Variants in STRBP observed in about 807,000 individuals in gnomAD.
STRBP encodes spermatid perinuclear RNA-binding protein.
A neutral mutation model predicts 80.1 loss-of-function variants in STRBP; 13 were observed. That is an observed-to-expected ratio of 0.16 (90% CI 0.11 to 0.26). The LOEUF (loss-of-function observed/expected upper bound fraction) is 0.26, where lower values mean the gene tolerates loss of function less well. STRBP is among the 10% of genes least tolerant of loss of function. The pLI is 1.00. For synonymous variants in STRBP, 284 were observed against 291.2 expected (o/e 0.98, Z 0.25); for missense variants, 485 against 815.2 (o/e 0.59, Z 4.93).
In STRBP at chr9:123,222,805, T is replaced by A. The variant is rs111558520; in HGVS notation, c.-165+14025A>T. On this transcript the variant is annotated intron_variant, in intron 2 of 18. Coordinates refer to ENST00000348403, the MANE Select transcript of STRBP (RefSeq NM_018387.5). ...GTTTCTCTTATGAAATCTACCAAATTTTAGGAATCACAATCTACTTTTACA... is the reference window on the plus strand; with the variant it reads ...GTTTCTCTTATGAAATCTACCAAATATTAGGAATCACAATCTACTTTTACA... 3.8e-3 allele frequency among the ~76,000 whole-genome samples: 575 copies of A among 152,230 alleles called. 2 individuals carry two copies. The highest frequency in any genetic ancestry group is 0.013 in the African/African-American group (522 of 41,536).
At position 123,124,626 on chromosome 9, in the gene STRBP, AC is replaced by A; in HGVS notation, c.*970del. On this transcript the variant is annotated 3_prime_UTR_variant, in exon 19 of 19. Transcript: ENST00000348403. ...CCCTTCAATGAATCCCAGCAAAATC[AC>A]TAATCTTCTATCTGCATGAAAAAAG... The A allele has an allele frequency of 1.0e-6, 1 of 985,466 alleles. No individual in the cohort carries two copies. 61.0% of individuals were successfully genotyped at this position (985,466 alleles called of 1,614,324 possible). A position where few individuals can be genotyped will look rare whatever the true frequency, so the allele number is the denominator to read the frequency against.
intron 11 of STRBP, 25 bp downstream of exon 11, chr9:123,157,987 C>A (rs752602376): frequency 1.9e-6 from 3 of 1,552,704 alleles, no homozygotes; most frequent in Non-Finnish European, 8.9e-7. Flanking sequence ...AACCCCCAAC[C>A]CTAATAAAAA....
At chr9:123,200,734 A>ATTATT (rs1385113247) in intron 2 of STRBP, among the ~76,000 whole-genome samples, 48 of 37,514 alleles carry the variant, frequency 1.3e-3, no homozygotes, top group African/African-American at 5.9e-3. Flanking sequence ...CACCCCGCTA[A>ATTATT]TTTTTTTTTT....
intron 1 of STRBP, among the ~76,000 whole-genome samples, chr9:123,243,617 G>A (rs1013842554): frequency 3.3e-5 from 5 of 150,656 alleles, no homozygotes; most frequent in African/African-American, 1.2e-4. Flanking sequence ...AAACTCAACA[G>A]TTAAAACAAA....
At chr9:123,139,931 T>G (rs1237476146) in intron 13 of STRBP, among the ~76,000 whole-genome samples, 1 of 152,182 alleles carries the variant, frequency 6.6e-6, no homozygotes, top group Non-Finnish European at 1.5e-5. Flanking sequence ...ATGACAAATA[T>G]AAACCTGATG....
chr9:123,231,254 T>C (rs1056871460), intron 2 of STRBP, among the ~76,000 whole-genome samples: 12 of 152,172 alleles, frequency 7.9e-5, no homozygotes, highest in Admixed American at 3.9e-4. Context: ...TACTCCTCTA[T>C]TGCACTTCCA....
downstream of STRBP, among the ~76,000 whole-genome samples, chr9:123,117,065 C>T (rs1439168874): frequency 6.6e-6 from 1 of 152,110 alleles, no homozygotes; most frequent in South Asian, 2.1e-4. Context: ...GTGGGAACAA[C>T]GATCTATGCA....
intron 2 of STRBP, among the ~76,000 whole-genome samples, chr9:123,209,268 C>T (rs116530452): frequency 9.9e-5 from 15 of 152,066 alleles, no homozygotes; most frequent in African/African-American, 3.4e-4. Context: ...ATGGTATAAT[C>T]GAAAGAACAT....
chr9:123,266,953 C>T lies in STRBP; in HGVS notation c.-302+1483G>A, dbSNP rs535290757. Reference sequence around the variant, plus strand: ...CCACCTACTGTACTCCAGACCTGTCCACCTTCCCCTCCAGTCTATCCCGTT... The same window carrying T: ...CCACCTACTGTACTCCAGACCTGTCTACCTTCCCCTCCAGTCTATCCCGTT... On this transcript the variant is annotated intron_variant, in intron 1 of 18. Coordinates refer to ENST00000348403, the MANE Select transcript of STRBP (RefSeq NM_018387.5). Among the ~76,000 whole-genome samples, 3 of 152,012 alleles carry T rather than the reference C, an allele frequency of 2.0e-5. No homozygotes were observed. The East Asian group carries it at 5.8e-4, about 29-fold the overall frequency.
At chr9:123,140,626 C>A (rs190841444) in intron 13 of STRBP, among the ~76,000 whole-genome samples, 1,922 of 150,346 alleles carry the variant, frequency 0.013, 34 homozygotes, top group African/African-American at 0.042. Context: ...AACAAACAAA[C>A]AAAAAAAAAC....
chr9:123,138,794 G>A (rs543696209), intron 14 of STRBP, among the ~76,000 whole-genome samples: 8 of 152,190 alleles, frequency 5.3e-5, no homozygotes, highest in Non-Finnish European at 1.0e-4. Context: ...TATTAAAAGG[G>A]ATTTATGGAC....
chr9:123,144,663 A>T (rs1222764026), intron 13 of STRBP, among the ~76,000 whole-genome samples: 1 of 152,222 alleles, frequency 6.6e-6, no homozygotes, highest in Admixed American at 6.5e-5. Context: ...CTCATTTTCT[A>T]AACCATTTAT....
rs1217743429 is a variant in STRBP at position 123,158,136 on chromosome 9, G to C, written c.934-13C>G. ...GTCTGAGTGCATGCTAAAGAACAAA[G>C]TATTATATTTAATCACATTTCAATA... On this transcript the variant is annotated splice_polypyrimidine_tract_variant and intron_variant, in intron 10 of 18. Coordinates refer to ENST00000348403, the MANE Select transcript of STRBP (RefSeq NM_018387.5). 1 of 1,596,124 alleles carries C rather than the reference G, an allele frequency of 6.3e-7. No individual in the cohort carries two copies. The highest frequency in any genetic ancestry group is 8.6e-7 in the Non-Finnish European group (1 of 1,165,180).
chr9:123,174,198 G>C (rs2038124494), intron 4 of STRBP, among the ~76,000 whole-genome samples: 1 of 152,194 alleles, frequency 6.6e-6, no homozygotes, highest in Non-Finnish European at 1.5e-5. Flanking sequence ...CACTTTGGGA[G>C]GTCAAGGCAG....
chr9:123,170,364 T>C (rs768511597), intron 5 of STRBP, among the ~76,000 whole-genome samples: 8 of 152,192 alleles, frequency 5.3e-5, no homozygotes, highest in Non-Finnish European at 8.8e-5. Context: ...AAATGGTAAA[T>C]TGTTGTTCTT....
chr9:123,140,187 C>T (rs1319451654), intron 13 of STRBP, among the ~76,000 whole-genome samples: 2 of 152,112 alleles, frequency 1.3e-5, no homozygotes, highest in African/African-American at 2.4e-5. Context: ...AGAAATTGGC[C>T]CAGAAAGGCA....
intron 2 of STRBP, among the ~76,000 whole-genome samples, chr9:123,215,759 G>A (rs977091437): frequency 3.9e-5 from 6 of 152,130 alleles, no homozygotes; most frequent in Non-Finnish European, 2.9e-5. Context: ...ACTCCAGCCT[G>A]GGAGACAAGA....
chr9:123,268,075 G>A (rs1178000029), intron 1 of STRBP, among the ~76,000 whole-genome samples: 6 of 51,178 alleles, frequency 1.2e-4, no homozygotes, highest in African/African-American at 4.2e-4. Context: ...CACCTGCCCC[G>A]AGCCCCGAGC....
chr9:123,238,198 A>C (rs2040610965), intron 1 of STRBP, among the ~76,000 whole-genome samples: 1 of 152,380 alleles, frequency 6.6e-6, no homozygotes, highest in South Asian at 2.1e-4. Flanking sequence ...CAGTAATCCC[A>C]GCACTTTGGG....
Sources: allele counts gnomAD v4.1 joint callset (sites outside exome capture counted in the v4.1 genomes callset), GRCh38; gene constraint gnomAD v4.1.1; transcripts MANE v1.5; gene names NCBI Gene and HGNC (gene_info 2026-07-23, HGNC 2026-07-21).